CABP5: variants seen among roughly 807,000 people sequenced by gnomAD.
CABP5 encodes calcium binding protein 5, also known as calcium-binding protein 5.
Under a neutral mutation model 21.9 loss-of-function variants are expected in CABP5, and 17 were observed. That is an observed-to-expected ratio of 0.78 (90% confidence interval 0.53 to 1.17). The LOEUF (loss-of-function observed/expected upper bound fraction) is 1.17. Ranked by LOEUF, CABP5 falls within the 50% of genes most tolerant of loss-of-function variation. CABP5 has a pLI of 0.00. For synonymous variants in CABP5, 85 were observed against 79.4 expected (o/e 1.07, Z -0.37); for missense variants, 229 against 228.9 (o/e 1.00, Z 0.00).
At chr19:48,037,161 A>G (rs1216539722) in intron 4 of CABP5, among the ~76,000 whole-genome samples, 2 of 151,164 alleles carry the variant, frequency 1.3e-5, no homozygotes, top group Admixed American at 6.6e-5. Context: ...TGGCAGCACT[A>G]TTCACAATAG....
chr19:48,042,853 G>A (rs1001760069), intron 1 of CABP5, among the ~76,000 whole-genome samples: 5 of 152,178 alleles, frequency 3.3e-5, no homozygotes, highest in Admixed American at 6.5e-5. Context: ...GATCACAGGC[G>A]TGAGCCACTG....
At chr19:48,042,353 TTCC>T (rs755586712) in intron 1 of CABP5, among the ~76,000 whole-genome samples, 35 of 152,292 alleles carry the variant, frequency 2.3e-4, no homozygotes, top group Admixed American at 8.5e-4. Context: ...GCATGACCAG[TTCC>T]TAAACACTCT....
Position 48,040,662 on chromosome 19 carries a change from C to CT in CABP5, c.180_181insA (p.Gly61ArgfsTer11). 2 of 1,614,010 alleles carry CT rather than the reference C, an allele frequency of 1.2e-6. No individual in the cohort carries two copies. Among genetic ancestry groups the CT allele is most frequent in the Non-Finnish European group, 1.7e-6 (2 of 1,179,960 alleles). On this transcript the variant is annotated frameshift_variant, in exon 3 of 6. Coordinates refer to ENST00000293255, the MANE Select transcript of CABP5 (RefSeq NM_019855.5). LOFTEE classifies it high-confidence loss of function. Reference sequence around the variant, plus strand: ...AGTTCCATCTCCGTGGGCATGTAACCCATCGTCCTCATGAGATTCCCCAGA... The same window carrying CT: ...AGTTCCATCTCCGTGGGCATGTAACCTCATCGTCCTCATGAGATTCCCCAGA...
intron 2 of CABP5, among the ~76,000 whole-genome samples, chr19:48,041,114 A>T (rs1967476641): frequency 6.6e-6 from 1 of 152,156 alleles, no homozygotes; most frequent in Admixed American, 6.5e-5. Flanking sequence ...TGAACCTGGG[A>T]GGCGGAGGTA....
intron 1 of CABP5, among the ~76,000 whole-genome samples, chr19:48,042,403 C>T (rs148317224): frequency 3.9e-5 from 6 of 152,314 alleles, no homozygotes; most frequent in African/African-American, 1.4e-4. Context: ...CCTACTCCTG[C>T]ACATACCTGA....
Position 48,030,385 on chromosome 19 carries a change from A to G in CABP5, c.*172T>C. On this transcript the variant is annotated 3_prime_UTR_variant, in exon 6 of 6. Coordinates refer to ENST00000293255, the MANE Select transcript of CABP5 (RefSeq NM_019855.5). Reference sequence around the variant, plus strand: ...TTCTGCAGACGCCCCCATCCTGGCAAAGATACCGCTCTGGGTCTCACCCCA... The same window carrying G: ...TTCTGCAGACGCCCCCATCCTGGCAGAGATACCGCTCTGGGTCTCACCCCA... The G allele has an allele frequency of 1.7e-6, 1 of 574,928 alleles. No homozygotes were observed. Among genetic ancestry groups the G allele is most frequent in the Non-Finnish European group, 3.1e-6 (1 of 327,582 alleles). The allele number at this position is 574,928 out of a possible 1,614,324, so 35.6% of individuals were successfully genotyped here.
At chr19:48,041,450 G>T in intron 2 of CABP5, 123 bp downstream of exon 2, 1 of 941,170 alleles carries the variant, frequency 1.1e-6, no homozygotes. Context: ...ACAGTTGAGT[G>T]GGAAGAGAGA....
At position 48,034,448 on chromosome 19, in the gene CABP5, G is replaced by T. The variant is rs188809802; in HGVS notation, c.349-86C>A. ...GGAGTTTACCTATCGCTTACTGTGG[G>T]TCAAGCACTGAGATAAAAGCTTTGG... On this transcript the variant is annotated intron_variant, in intron 4 of 5. Coordinates refer to ENST00000293255, the MANE Select transcript of CABP5 (RefSeq NM_019855.5). 71 of 1,033,650 alleles carry T rather than the reference G, an allele frequency of 6.9e-5. No individual in the cohort carries two copies. The East Asian group carries it at 1.9e-3, about 27-fold the overall frequency. 64.0% of individuals were successfully genotyped at this position (1,033,650 alleles called of 1,614,324 possible). A position where few individuals can be genotyped will look rare whatever the true frequency, so the allele number is the denominator to read the frequency against.
At position 48,039,703 on chromosome 19, in the gene CABP5, CTTTTTTTTTTT is replaced by C. The variant is rs772482700; in HGVS notation, c.239-397_239-387del. 2.4e-3 allele frequency among the ~76,000 whole-genome samples: 145 copies of C among 59,234 alleles called. 1 individual carries two copies. The highest frequency in any genetic ancestry group is 9.8e-3 in the African/African-American group (139 of 14,254). 38.9% of individuals were successfully genotyped at this position (59,234 alleles called of 152,430 possible). On this transcript the variant is annotated intron_variant, in intron 3 of 5. Transcript: ENST00000293255. Reference sequence around the variant, plus strand: ...ACATGCCCAGAAGCAAACCCAATAGCTTTTTTTTTTTTTTTTTTTTTTTTTTTTGAGACAGA... The same window carrying C: ...ACATGCCCAGAAGCAAACCCAATAGCTTTTTTTTTTTTTTTTTGAGACAGA...
chr19:48,039,096 A>T (rs1967447472), intron 4 of CABP5, 112 bp downstream of exon 4: 2 of 772,166 alleles, frequency 2.6e-6, no homozygotes, highest in Admixed American at 4.7e-5. Context: ...TGGCTGGAAA[A>T]AAAAAGGTGG....
intron 1 of CABP5, among the ~76,000 whole-genome samples, chr19:48,041,945 CTCAT>C (rs1967487296): frequency 6.6e-6 from 1 of 152,170 alleles, no homozygotes; most frequent in African/African-American, 2.4e-5. Context: ...CCACAGCTAA[CTCAT>C]TCAGAGTGGT....
At position 48,043,939 on chromosome 19, in the gene CABP5, G is replaced by A; in HGVS notation, c.-17C>T. ...GAACTGCATGGAGGGGTGGGGTGGA[G>A]CTCGCAGGGCACCAGTCTCAAGATG... On this transcript the variant is annotated 5_prime_UTR_variant, in exon 1 of 6. Coordinates refer to ENST00000293255, the MANE Select transcript of CABP5 (RefSeq NM_019855.5). 3 of 1,505,688 alleles carry A rather than the reference G, an allele frequency of 2.0e-6. No homozygotes were observed. The highest frequency in any genetic ancestry group is 2.6e-6 in the Non-Finnish European group (3 of 1,133,242). The allele number at this position is 1,505,688 out of a possible 1,614,324, so 93.3% of individuals were successfully genotyped here.
intron 5 of CABP5, among the ~76,000 whole-genome samples, chr19:48,032,212 A>G (rs1967348028): frequency 6.6e-6 from 1 of 152,138 alleles, no homozygotes; most frequent in South Asian, 2.1e-4. Flanking sequence ...GAGAACATAA[A>G]GCAGGCACCA....
At position 48,042,746 on chromosome 19, in the gene CABP5, TG is replaced by T. The variant is rs1164881170; in HGVS notation, c.63+1113del. On this transcript the variant is annotated intron_variant, in intron 1 of 5. Transcript: ENST00000293255. ...CCTGCCACTGCACCCGGCTAATTTT[TG>T]TATTTCTAATAGAGACAGGGTTTCA... Among the ~76,000 whole-genome samples the T allele has an allele frequency of 2.0e-5, 3 of 151,946 alleles. No homozygotes were observed. The East Asian group carries it at 5.8e-4, about 30-fold the overall frequency.
chr19:48,039,402 A>G, intron 3 of CABP5, 85 bp from the exon 4 acceptor site: 1 of 1,005,872 alleles, frequency 9.9e-7, no homozygotes, highest in East Asian at 2.4e-5. Flanking sequence ...CAGTTAGATC[A>G]GCTCCCTTCT....
At chr19:48,039,096 A>G in intron 4 of CABP5, 112 bp downstream of exon 4, 1 of 772,166 alleles carries the variant, frequency 1.3e-6, no homozygotes, top group Non-Finnish European at 2.2e-6. Flanking sequence ...TGGCTGGAAA[A>G]AAAAAGGTGG....
Position 48,030,484 on chromosome 19 carries a change from T to G in CABP5, c.*73A>C, listed in dbSNP as rs35341698. The G allele has an allele frequency of 0.26, 388,229 of 1,493,234 alleles. 53,525 individuals are homozygous for G. The highest frequency in any genetic ancestry group is 0.32 in the Middle Eastern group (1,838 of 5,696). 92.5% of individuals were successfully genotyped at this position (1,493,234 alleles called of 1,614,324 possible). A position where few individuals can be genotyped will look rare whatever the true frequency, so the allele number is the denominator to read the frequency against. On this transcript the variant is annotated 3_prime_UTR_variant, in exon 6 of 6. Coordinates refer to ENST00000293255, the MANE Select transcript of CABP5 (RefSeq NM_019855.5). ...CTGCTTTAAGGGGATCTGGGGCTTT[T>G]GGGCTTTGGTTCTCCACAAGCGCTT... is the stretch of plus-strand genomic sequence containing the variant.
Position 48,044,050 on chromosome 19 carries a change from TCTC to T in CABP5, c.-131_-129del. 1 of 725,222 alleles carries T rather than the reference TCTC, an allele frequency of 1.4e-6. No homozygotes were observed. Among genetic ancestry groups the T allele is most frequent in the South Asian group, 2.3e-5 (1 of 43,104 alleles). 44.9% of individuals were successfully genotyped at this position (725,222 alleles called of 1,614,324 possible). A position where few individuals can be genotyped will look rare whatever the true frequency, so the allele number is the denominator to read the frequency against. ...CCACCTCTTCCTGCCTCTCTTGGCTTCTCCTTCGGTCCCGGTGTCTTAGAGCTG... is the reference window on the plus strand; with the variant it reads ...CCACCTCTTCCTGCCTCTCTTGGCTTCTTCGGTCCCGGTGTCTTAGAGCTG... On this transcript the variant is annotated 5_prime_UTR_variant, in exon 1 of 6. Transcript: ENST00000293255.
rs760400932 is a variant in CABP5 at position 48,039,193 on chromosome 19, ACACTGTTAACT to A, written c.348+4_348+14del. The A allele has an allele frequency of 6.3e-7, 1 of 1,594,320 alleles. No homozygotes were observed. The highest frequency in any genetic ancestry group is 2.2e-5 in the East Asian group (1 of 44,778). ...TGCCTCTACCATCACCAGCACCATG[ACACTGTTAACT>A]CACCTCCTTGAAGGCATCCCGCATC... On this transcript the variant is annotated splice_donor_5th_base_variant and intron_variant, in intron 4 of 5. Coordinates refer to ENST00000293255, the MANE Select transcript of CABP5 (RefSeq NM_019855.5).
Sources: gnomAD v4.1 joint callset for allele counts (sites outside exome capture counted in the v4.1 genomes callset) on GRCh38, gnomAD v4.1.1 for gene constraint, MANE v1.5 for transcripts, NCBI Gene and HGNC (gene_info 2026-07-23, HGNC 2026-07-21) for gene names.